ORC3: variants seen among roughly 807,000 people sequenced by gnomAD.
ORC3 encodes the protein origin recognition complex subunit 3.
Under a neutral mutation model 100.7 loss-of-function variants are expected in ORC3, and 78 were observed. The ratio of observed to expected loss-of-function variants is 0.77; its 90% CI spans 0.65 to 0.94. ORC3 has a LOEUF of 0.94. Ranked by LOEUF, ORC3 falls within the 40% of genes least tolerant of loss-of-function variation. The pLI is 0.00. For missense variants in ORC3, 789 were observed against 823.9 expected, an observed-to-expected ratio of 0.96 and a Z score of 0.52; for synonymous variants, 295 against 289.3, an observed-to-expected ratio of 1.02 and a Z score of -0.20.
the ORC3 span, chr6:87,674,971 G>A: frequency 6.7e-6 from 1 of 148,840 alleles, no homozygotes; most frequent in Admixed American, 6.8e-5. Flanking sequence ...AGTACTACAA[G>A]GGCAGTAAAA....
downstream of ORC3, among the ~76,000 whole-genome samples, chr6:87,669,128 G>T (rs1213358026): frequency 6.6e-6 from 1 of 152,232 alleles, no homozygotes; most frequent in Non-Finnish European, 1.5e-5. Context: ...TTGCACTCCA[G>T]CCTGGGCAGA....
Position 87,607,682 on chromosome 6 carries a change from A to G in ORC3, c.437A>G (p.His146Arg). 1.2e-6 allele frequency: 2 copies of G among 1,602,568 alleles called. No homozygotes were observed. The highest frequency in any genetic ancestry group is 1.7e-6 in the Non-Finnish European group (2 of 1,175,658). ...TTTTTATATTCCACAGATATGAAAC[A>G]TTTTTTGCAAAAGTTGATCTCACAG... ...LQAKDCPDMK[H>R]FLQKLISQLM... The change falls in exon 6 of 20, where the codon CAT (histidine) becomes CGT (arginine). Residue 146 changes from histidine to arginine, a missense_variant. By Grantham distance (29) the His-to-Arg change is conservative. This residue lies in a region of ORC3 where 399 missense variants were observed against 382.0 expected (regional missense o/e 1.04). Coordinates refer to ENST00000392844, the MANE Select transcript of ORC3 (RefSeq NM_012381.4).
intron 1 of ORC3, among the ~76,000 whole-genome samples, chr6:87,592,676 A>G (rs1777120560): frequency 6.6e-6 from 1 of 152,224 alleles, no homozygotes; most frequent in Non-Finnish European, 1.5e-5. Context: ...AAATGGGAAC[A>G]TGTAATCCAA....
intron 13 of ORC3, among the ~76,000 whole-genome samples, chr6:87,636,722 T>C (rs2128279115): frequency 6.6e-6 from 1 of 152,338 alleles, no homozygotes; most frequent in Non-Finnish European, 1.5e-5. Flanking sequence ...TAAAGGAAAA[T>C]CCATGATTGT....
At chr6:87,597,696 C>G (rs1582997278) in intron 2 of ORC3, among the ~76,000 whole-genome samples, 1 of 150,906 alleles carries the variant, frequency 6.6e-6, no homozygotes, top group South Asian at 2.1e-4. Flanking sequence ...CACACACACA[C>G]ACACACACAC....
At chr6:87,609,307 C>T in intron 7 of ORC3, 78 bp downstream of exon 7, 1 of 978,094 alleles carries the variant, frequency 1.0e-6, no homozygotes. Context: ...AAAGTATAAT[C>T]TTCATTTTAA....
At chr6:87,629,024 G>T (rs1349654267) in intron 11 of ORC3, among the ~76,000 whole-genome samples, 2 of 152,172 alleles carry the variant, frequency 1.3e-5, no homozygotes, top group East Asian at 3.8e-4. Context: ...GGAATATGGA[G>T]AACAAAAGGT....
At chr6:87,611,152 G>A (rs1336952105) in intron 7 of ORC3, among the ~76,000 whole-genome samples, 1 of 151,422 alleles carries the variant, frequency 6.6e-6, no homozygotes, top group Non-Finnish European at 1.5e-5. Context: ...GCCCAGGCTG[G>A]TCTCAAACTC....
In ORC3 at chr6:87,663,142, A is replaced by G. The variant is rs375586431; in HGVS notation, c.1831A>G (p.Lys611Glu). ...ACTCAACAATCCTTACTATTATCTC[A>G]AGGTAAGATGAACATTTAGTTTTCT... is the stretch of plus-strand genomic sequence containing the variant. ...TALNNPYYYL[K>E]NEALKSEEGC... The change falls in exon 17 of 20, where the codon AAG (lysine) becomes GAG (glutamate). Residue 611 changes from lysine (K) to glutamate (E), a missense_variant and splice_region_variant. Physicochemically the swap from Lys to Glu is moderately conservative, Grantham distance 56. This residue lies in a region of ORC3 where 366 missense variants were observed against 394.2 expected (regional missense o/e 0.93). Transcript: ENST00000392844. 4.4e-6 allele frequency: 7 copies of G among 1,604,522 alleles called. No individual in the cohort carries two copies. The highest frequency in any genetic ancestry group is 5.1e-6 in the Non-Finnish European group (6 of 1,172,682).
chr6:87,632,621 G>C (rs1337845458), intron 11 of ORC3, among the ~76,000 whole-genome samples: 4 of 152,082 alleles, frequency 2.6e-5, no homozygotes, highest in African/African-American at 9.7e-5. Context: ...CCAGCACTTT[G>C]GGAGGCTGAG....
downstream of ORC3, among the ~76,000 whole-genome samples, chr6:87,667,982 C>T (rs903795254): frequency 5.3e-5 from 8 of 152,044 alleles, no homozygotes; most frequent in East Asian, 1.5e-3. Flanking sequence ...TATTCTACTT[C>T]GGGATGACCT....
chr6:87,655,540 A>G (rs992911221), intron 14 of ORC3, among the ~76,000 whole-genome samples: 6 of 151,724 alleles, frequency 4.0e-5, no homozygotes, highest in Admixed American at 6.6e-5. Flanking sequence ...TTTTGTAGGG[A>G]TGGGGTTTTT....
At position 87,643,899 on chromosome 6, in the gene ORC3, C is replaced by A. The variant is rs962637722; in HGVS notation, c.1382+7413C>A. The stretch of plus-strand genomic sequence containing the variant: ...TATTTTAAATCATGTCTACTTTTTA[C>A]TTAATACAATATAAATGCTATGTAA... On this transcript the variant is annotated intron_variant, in intron 13 of 19. Transcript: ENST00000392844. 9.9e-5 allele frequency among the ~76,000 whole-genome samples: 15 copies of A among 151,886 alleles called. 1 individual carries two copies. Among genetic ancestry groups the A allele is most frequent in the Admixed American group, 8.5e-4 (13 of 15,246 alleles).
chr6:87,627,482 G>A (rs1226003224), intron 11 of ORC3, among the ~76,000 whole-genome samples: 4 of 150,664 alleles, frequency 2.7e-5, no homozygotes, highest in Non-Finnish European at 4.4e-5. Context: ...TTTTAGTAGA[G>A]ACGGGGTTTC....
At chr6:87,640,330 ATATAATTT>A (rs1272155497) in intron 13 of ORC3, among the ~76,000 whole-genome samples, 3 of 152,218 alleles carry the variant, frequency 2.0e-5, no homozygotes, top group African/African-American at 7.2e-5. Context: ...AAAAAGACCT[ATATAATTT>A]TATATCACAG....
intron 8 of ORC3, among the ~76,000 whole-genome samples, chr6:87,615,178 A>G (rs1779071779): frequency 6.6e-6 from 1 of 152,212 alleles, no homozygotes. Context: ...GAGCTTGTGC[A>G]GGGGAACTCC....
intron 19 of ORC3, among the ~76,000 whole-genome samples, chr6:87,666,495 G>C (rs1347792602): frequency 7.0e-6 from 1 of 142,130 alleles, no homozygotes; most frequent in East Asian, 2.1e-4. Flanking sequence ...CTGGAGTGCA[G>C]TGGCACGATC....
intron 9 of ORC3, among the ~76,000 whole-genome samples, chr6:87,617,209 G>A (rs1779221265): frequency 6.6e-6 from 1 of 151,048 alleles, no homozygotes; most frequent in Admixed American, 6.6e-5. Flanking sequence ...GACCATGCAT[G>A]TGTGTGTGTG....
chr6:87,638,406 A>G (rs769139820), intron 13 of ORC3, among the ~76,000 whole-genome samples: 3 of 152,238 alleles, frequency 2.0e-5, no homozygotes, highest in Admixed American at 6.5e-5. Flanking sequence ...CTGTCTTGAA[A>G]TTTTATTTAA....
Sources: allele counts gnomAD v4.1 joint callset (sites outside exome capture counted in the v4.1 genomes callset), GRCh38; gene constraint gnomAD v4.1.1; regional missense constraint gnomAD v4.1.1; transcripts MANE v1.5; gene names NCBI Gene and HGNC (gene_info 2026-07-23, HGNC 2026-07-21).